TRPM3: variants seen among roughly 807,000 people sequenced by gnomAD.
The protein encoded by TRPM3 is long transient receptor potential channel 3.
TRPM3 carries 77 observed loss-of-function variants against 181.2 expected under a neutral mutation model. The observed-to-expected ratio is 0.42, with a 90% CI of 0.35 to 0.51. The LOEUF is 0.51. Among genes scored for constraint, TRPM3 ranks in the 20% least tolerant of loss-of-function variants. TRPM3 has a pLI of 0.01. For synonymous variants in TRPM3, 745 were observed against 796.4 expected (o/e 0.94, Z 1.09); for missense variants, 1,759 against 2,196.7 (o/e 0.80, Z 3.98).
chr9:70,792,997 G>A (rs965996426), intron 6 of TRPM3, among the ~76,000 whole-genome samples: 1 of 152,088 alleles, frequency 6.6e-6, no homozygotes, highest in African/African-American at 2.4e-5. Flanking sequence ...TATAAATGCT[G>A]ACGTTTGAAT....
At position 70,651,090 on chromosome 9, in the gene TRPM3, G is replaced by GAA. The variant is rs576251987; in HGVS notation, c.1346-10432_1346-10431dup. On this transcript the variant is annotated intron_variant, in intron 9 of 25. Coordinates refer to ENST00000677713, the MANE Select transcript of TRPM3 (RefSeq NM_001366145.2). ...AAAGTGAATGAAGATCTGCAGTATA[G>GAA]AAAAGGTGTGTACAAAGAGACCAAC... 1.2e-4 allele frequency among the ~76,000 whole-genome samples: 18 copies of GAA among 152,256 alleles called. No individual in the cohort carries two copies. The East Asian group carries it at 3.5e-3, about 29-fold the overall frequency.
rs151151187 is a variant in TRPM3, at chr9:70,925,769, G to A, written c.178-61258C>T. 3.1e-4 allele frequency among the ~76,000 whole-genome samples: 47 copies of A among 152,064 alleles called. 1 individual carries two copies. Among genetic ancestry groups the A allele is most frequent in the African/African-American group, 9.4e-4 (39 of 41,468 alleles). ...AACACAATATCTCCTTTCAGCCAGC[G>A]CGGGAGAGATAAATTTCTCACTGTC... On this transcript the variant is annotated intron_variant, in intron 1 of 25. Coordinates refer to ENST00000677713, the MANE Select transcript of TRPM3 (RefSeq NM_001366145.2).
intron 9 of TRPM3, among the ~76,000 whole-genome samples, chr9:70,680,429 G>A (rs2065125660): frequency 6.6e-6 from 1 of 152,166 alleles, no homozygotes; most frequent in South Asian, 2.1e-4. Context: ...GGTATTCTGA[G>A]TTTTCATTTT....
chr9:70,619,610 T>C (rs1670588911), intron 16 of TRPM3, among the ~76,000 whole-genome samples: 2 of 151,740 alleles, frequency 1.3e-5, no homozygotes. Context: ...AGATGGGGTC[T>C]TGCTATGTTG....
chr9:70,940,210 G>A (rs948835085), intron 1 of TRPM3, among the ~76,000 whole-genome samples: 2 of 152,028 alleles, frequency 1.3e-5, no homozygotes, highest in African/African-American at 4.8e-5. Context: ...AACCTTTTGA[G>A]GTAGATAGTT....
intron 1 of TRPM3, among the ~76,000 whole-genome samples, chr9:71,135,820 T>C (rs867513408): frequency 6.6e-6 from 1 of 152,230 alleles, no homozygotes. Flanking sequence ...CTGCTTCATT[T>C]TCTCAGTAGA....
intron 1 of TRPM3, among the ~76,000 whole-genome samples, chr9:71,341,094 C>A (rs1160217023): frequency 6.6e-6 from 1 of 151,874 alleles, no homozygotes; most frequent in African/African-American, 2.4e-5. Context: ...ACATAAATAA[C>A]TGAATAAACT....
chr9:70,692,571 A>C (rs1245814207), intron 8 of TRPM3, among the ~76,000 whole-genome samples: 2 of 152,224 alleles, frequency 1.3e-5, no homozygotes, highest in Admixed American at 1.3e-4. Flanking sequence ...ACTGCAAAAC[A>C]CAGGCATGTG....
intron 1 of TRPM3, among the ~76,000 whole-genome samples, chr9:70,885,315 T>C (rs1325586994): frequency 1.3e-5 from 2 of 152,204 alleles, no homozygotes; most frequent in African/African-American, 4.8e-5. Context: ...ATTCACTAGA[T>C]ACCAGTAGCC....
chr9:70,966,499 C>T (rs1480589602), intron 1 of TRPM3, among the ~76,000 whole-genome samples: 2 of 152,014 alleles, frequency 1.3e-5, no homozygotes, highest in African/African-American at 4.8e-5. Flanking sequence ...CTTAAATGCC[C>T]ATAAATGGTC....
intron 1 of TRPM3, among the ~76,000 whole-genome samples, chr9:71,021,578 T>C (rs1029567095): frequency 2.0e-5 from 3 of 152,230 alleles, no homozygotes; most frequent in South Asian, 2.1e-4. Flanking sequence ...TAATGTCTAT[T>C]GACCTTCAAC....
Position 70,595,123 on chromosome 9 carries a change from T to A in TRPM3, c.3048+3296A>T, listed in dbSNP as rs117868989. Among the ~76,000 whole-genome samples, 283 of 152,340 alleles carry A rather than the reference T, an allele frequency of 1.9e-3. 9 individuals are homozygous for A. In the East Asian group the frequency reaches 0.036, roughly 20 times the overall value. On this transcript the variant is annotated intron_variant, in intron 21 of 25. Transcript: ENST00000677713. ...TTCATTCTAGTCAAAACTGGGATAA[T>A]TATGCCATTATTAAGATGATAGACG...
chr9:71,159,284 G>A (rs994054284), intron 1 of TRPM3, among the ~76,000 whole-genome samples: 1 of 151,918 alleles, frequency 6.6e-6, no homozygotes, highest in African/African-American at 2.4e-5. Context: ...GAGAGACAGT[G>A]TAGTATAAAC....
chr9:71,129,526 A>G (rs1206752885), intron 1 of TRPM3, among the ~76,000 whole-genome samples: 1 of 152,200 alleles, frequency 6.6e-6, no homozygotes, highest in Non-Finnish European at 1.5e-5. Flanking sequence ...TAAAGTCTAC[A>G]GTATTGTTAT....
At chr9:70,845,489 C>T (rs1167941328) in intron 4 of TRPM3, among the ~76,000 whole-genome samples, 1 of 152,152 alleles carries the variant, frequency 6.6e-6, no homozygotes, top group African/African-American at 2.4e-5. Flanking sequence ...ATCCCCCTGC[C>T]TCGGCCTCCC....
At chr9:70,777,580 A>G (rs963451886) in intron 7 of TRPM3, among the ~76,000 whole-genome samples, 1 of 152,148 alleles carries the variant, frequency 6.6e-6, no homozygotes, top group Non-Finnish European at 1.5e-5. Context: ...CTATGTCTTT[A>G]TATATACTAC....
intron 1 of TRPM3, among the ~76,000 whole-genome samples, chr9:71,280,474 C>T (rs2132188355): frequency 6.6e-6 from 1 of 151,968 alleles, no homozygotes; most frequent in South Asian, 2.1e-4. Context: ...AGCACCCTTC[C>T]CCTTCAGAAA....
chr9:70,880,049 GC>G (rs2132677648), intron 1 of TRPM3, among the ~76,000 whole-genome samples: 1 of 152,234 alleles, frequency 6.6e-6, no homozygotes, highest in African/African-American at 2.4e-5. Flanking sequence ...TCTCCACCCT[GC>G]CTTCTGTTGG....
At chr9:71,032,014 AAT>A (rs1310165164) in intron 1 of TRPM3, among the ~76,000 whole-genome samples, 4,200 of 53,064 alleles carry the variant, frequency 0.079, 445 homozygotes, top group Non-Finnish European at 0.13. Flanking sequence ...TATAATATAT[AAT>A]ATATATATAT....
Sources: gnomAD v4.1 joint callset for allele counts (sites outside exome capture counted in the v4.1 genomes callset) on GRCh38, gnomAD v4.1.1 for gene constraint, MANE v1.5 for transcripts, NCBI Gene and HGNC (gene_info 2026-07-23, HGNC 2026-07-21) for gene names.